The following SGCZ variants were observed in gnomAD, a reference collection of about 807,000 sequenced individuals.
SGCZ encodes the protein sarcoglycan zeta, also known as zeta-sarcoglycan.
SGCZ carries 40 observed loss-of-function variants against 41.3 expected under a neutral mutation model. The observed-to-expected ratio is 0.97, with a 90% CI of 0.75 to 1.26. The LOEUF is 1.26. SGCZ is among the 50% of genes most tolerant of loss of function. The pLI, the probability that SGCZ is intolerant of heterozygous loss-of-function variation, is 0.00. For synonymous variants in SGCZ, 206 were observed against 137.5 expected (o/e 1.50, Z -3.49); for missense variants, 552 against 369.8 (o/e 1.49, Z -4.04).
chr8:14,886,838 C>T (rs1804825496), intron 1 of SGCZ, among the ~76,000 whole-genome samples: 1 of 151,994 alleles, frequency 6.6e-6, no homozygotes, highest in Admixed American at 6.6e-5. Flanking sequence ...ACTAAAGGGG[C>T]AAGTTGGCAC....
intron 1 of SGCZ, among the ~76,000 whole-genome samples, chr8:14,738,896 G>C (rs150382074): frequency 6.6e-6 from 1 of 152,126 alleles, no homozygotes; most frequent in African/African-American, 2.4e-5. Context: ...GCAGATAAGA[G>C]ACTCCCCCAG....
intron 4 of SGCZ, among the ~76,000 whole-genome samples, chr8:14,174,064 A>G (rs922210350): frequency 9.2e-5 from 14 of 152,114 alleles, no homozygotes; most frequent in African/African-American, 3.4e-4. Flanking sequence ...TTCAAACAAC[A>G]TGAAAAGTAA....
chr8:14,878,609 G>A (rs764850936), intron 1 of SGCZ, among the ~76,000 whole-genome samples: 1 of 152,124 alleles, frequency 6.6e-6, no homozygotes, highest in African/African-American at 2.4e-5. Context: ...GGATACTGTT[G>A]ATTTAACAAA....
At chr8:14,937,041 A>G (rs1444435355) in intron 1 of SGCZ, among the ~76,000 whole-genome samples, 10 of 151,846 alleles carry the variant, frequency 6.6e-5, no homozygotes, top group Admixed American at 6.6e-4. Flanking sequence ...CTGTAATGAT[A>G]AGAGCAGAGA....
chr8:14,488,221 AAAAC>A (rs1221416711), intron 2 of SGCZ, among the ~76,000 whole-genome samples: 2 of 152,090 alleles, frequency 1.3e-5, no homozygotes, highest in Non-Finnish European at 2.9e-5. Flanking sequence ...TATTATTAAT[AAAAC>A]AAACAAAAAC....
intron 1 of SGCZ, among the ~76,000 whole-genome samples, chr8:14,945,622 G>T (rs1171279178): frequency 1.3e-5 from 2 of 151,942 alleles, no homozygotes; most frequent in African/African-American, 4.8e-5. Flanking sequence ...GTTTCCGGAG[G>T]AGATTGGCAT....
intron 1 of SGCZ, among the ~76,000 whole-genome samples, chr8:14,591,972 C>A (rs1249328244): frequency 6.6e-6 from 1 of 151,994 alleles, no homozygotes; most frequent in East Asian, 1.9e-4. Context: ...ATGATGCCAG[C>A]AATAGTAAAC....
chr8:14,912,009 A>G (rs901729064), intron 1 of SGCZ, among the ~76,000 whole-genome samples: 2 of 152,012 alleles, frequency 1.3e-5, no homozygotes, highest in African/African-American at 4.8e-5. Context: ...CTTTGTCCCT[A>G]TATTCAAGGT....
intron 3 of SGCZ, among the ~76,000 whole-genome samples, chr8:14,291,728 G>C (rs996361037): frequency 5.3e-5 from 8 of 151,924 alleles, no homozygotes; most frequent in African/African-American, 1.9e-4. Flanking sequence ...TCTTACAGTG[G>C]AGTTAGAGGA....
intron 1 of SGCZ, among the ~76,000 whole-genome samples, chr8:14,604,372 T>C (rs1805682031): frequency 6.6e-6 from 1 of 152,176 alleles, no homozygotes; most frequent in African/African-American, 2.4e-5. Context: ...CAATTATTGA[T>C]GTCTGCCATG....
At chr8:15,112,544 G>C (rs1022932672) in intron 1 of SGCZ, among the ~76,000 whole-genome samples, 1 of 152,176 alleles carries the variant, frequency 6.6e-6, no homozygotes, top group African/African-American at 2.4e-5. Context: ...AGGAATGCTT[G>C]ACAAAAATAA....
intron 5 of SGCZ, among the ~76,000 whole-genome samples, chr8:14,160,235 CG>C (rs1409191719): frequency 1.3e-5 from 2 of 152,112 alleles, no homozygotes; most frequent in African/African-American, 4.8e-5. Flanking sequence ...AACAATTCTA[CG>C]GGGCTGATGT....
At chr8:14,147,527 T>G (rs530717666) in intron 5 of SGCZ, among the ~76,000 whole-genome samples, 150 of 152,260 alleles carry the variant, frequency 9.9e-4, no homozygotes, top group Non-Finnish European at 2.0e-3. Flanking sequence ...CAATTTTAAA[T>G]AGATCTGCAC....
At chr8:15,044,889 C>T (rs1416297326) in intron 1 of SGCZ, among the ~76,000 whole-genome samples, 1 of 151,816 alleles carries the variant, frequency 6.6e-6, no homozygotes, top group African/African-American at 2.4e-5. Flanking sequence ...ATAAGAGTGG[C>T]TATAATAGTA....
intron 2 of SGCZ, among the ~76,000 whole-genome samples, chr8:14,498,621 T>G (rs867830028): frequency 1.3e-5 from 2 of 152,088 alleles, no homozygotes; most frequent in African/African-American, 2.4e-5. Flanking sequence ...TTATTTCCTT[T>G]TAACTTTTTC....
chr8:14,265,706 T>A (rs1016435286), intron 3 of SGCZ, among the ~76,000 whole-genome samples: 1 of 150,844 alleles, frequency 6.6e-6, no homozygotes, highest in Non-Finnish European at 1.5e-5. Context: ...AAACTCAACA[T>A]GGTCCAAGAA....
At chr8:14,387,944 G>T (rs530887211) in intron 2 of SGCZ, among the ~76,000 whole-genome samples, 2 of 152,084 alleles carry the variant, frequency 1.3e-5, no homozygotes, top group Non-Finnish European at 2.9e-5. Context: ...GAAATGGAAA[G>T]ATGAAAGTGG....
intron 1 of SGCZ, among the ~76,000 whole-genome samples, chr8:14,741,419 T>A (rs1329240815): frequency 6.6e-6 from 1 of 152,122 alleles, no homozygotes; most frequent in African/African-American, 2.4e-5. Flanking sequence ...ATCCTTTCTC[T>A]CTTCTAAATA....
chr8:14,786,984 A>G (rs1800788365), intron 1 of SGCZ, among the ~76,000 whole-genome samples: 1 of 152,136 alleles, frequency 6.6e-6, no homozygotes. Context: ...AAATTAGAGC[A>G]CCAGGGACTC....
Sources: gnomAD v4.1 joint callset for allele counts (sites outside exome capture counted in the v4.1 genomes callset) on GRCh38, gnomAD v4.1.1 for gene constraint, MANE v1.5 for transcripts, NCBI Gene and HGNC (gene_info 2026-07-23, HGNC 2026-07-21) for gene names.